NIBAN1: variants seen among roughly 807,000 people sequenced by gnomAD.
NIBAN1 encodes niban apoptosis regulator 1.
In NIBAN1, 81 loss-of-function variants were observed where a neutral mutation model predicts 75.1. The observed-to-expected ratio is 1.08, with a 90% CI of 0.90 to 1.30. The LOEUF (loss-of-function observed/expected upper bound fraction) is 1.30. NIBAN1 is among the 50% of genes most tolerant of loss of function. NIBAN1 has a pLI of 0.00. For missense variants in NIBAN1, 1,133 were observed against 1,128.1 expected, an observed-to-expected ratio of 1.00 and a Z score of -0.06; for synonymous variants, 436 against 424.8, an observed-to-expected ratio of 1.03 and a Z score of -0.32.
intron 2 of NIBAN1, 93 bp from the exon 3 acceptor site, chr1:184,894,299 G>C: frequency 3.8e-6 from 5 of 1,323,588 alleles, no homozygotes; most frequent in Non-Finnish European, 5.0e-6. Flanking sequence ...GAATAGTTTA[G>C]GAAACTATCT....
At chr1:184,833,131 A>G (rs1655044379) in intron 5 of NIBAN1, among the ~76,000 whole-genome samples, 1 of 151,868 alleles carries the variant, frequency 6.6e-6, no homozygotes, top group Non-Finnish European at 1.5e-5. Context: ...TTGGGGGGTG[A>G]GGAGGAACCA....
In NIBAN1 at chr1:184,795,279, C is replaced by A. The variant is rs753355119; in HGVS notation, c.2485G>T (p.Gly829Trp). 4.3e-6 allele frequency: 7 copies of A among 1,612,734 alleles called. No homozygotes were observed. Among genetic ancestry groups the A allele is most frequent in the Non-Finnish European group, 5.1e-6 (6 of 1,180,042 alleles). Residue 829 changes from glycine to tryptophan, a missense_variant, in exon 14 of 14, where the codon GGG becomes TGG. Gly to Trp is a radical substitution (Grantham distance 184, BLOSUM62 -2). Coordinates refer to ENST00000367511, the MANE Select transcript of NIBAN1 (RefSeq NM_052966.4). ...ACTLTAHEGRGGKCTEEGDAS... is the reference protein window; with the variant it reads ...ACTLTAHEGRWGKCTEEGDAS... ...TCCCCTTCCTCGGTACACTTGCCCC[C>A]TCTTCCTTCATGGGCAGTGAGTGTG...
chr1:184,870,782 A>G (rs1165562293), intron 5 of NIBAN1, among the ~76,000 whole-genome samples: 1 of 152,214 alleles, frequency 6.6e-6, no homozygotes, highest in Non-Finnish European at 1.5e-5. Context: ...CTATACCGTA[A>G]CCAACCCTCT....
At chr1:184,806,376 A>G (rs1654198999) in intron 10 of NIBAN1, among the ~76,000 whole-genome samples, 1 of 152,168 alleles carries the variant, frequency 6.6e-6, no homozygotes, top group Non-Finnish European at 1.5e-5. Flanking sequence ...AGCCTTCTTC[A>G]ACTAGTTTTT....
At chr1:184,956,248 A>G (rs1658488996) in intron 1 of NIBAN1, among the ~76,000 whole-genome samples, 2 of 151,994 alleles carry the variant, frequency 1.3e-5, no homozygotes, top group Non-Finnish European at 2.9e-5. Context: ...GCTGGCCTCA[A>G]ACTCCTGGTC....
intron 2 of NIBAN1, among the ~76,000 whole-genome samples, chr1:184,896,324 T>C (rs189097639): frequency 1.3e-5 from 2 of 152,316 alleles, no homozygotes. Context: ...TTGAGCATAT[T>C]TTCATGTGTT....
At chr1:184,813,122 C>A (rs924403143) in intron 9 of NIBAN1, among the ~76,000 whole-genome samples, 1 of 152,278 alleles carries the variant, frequency 6.6e-6, no homozygotes, top group East Asian at 1.9e-4. Flanking sequence ...TCCAAGGACT[C>A]CACCATAAAG....
At chr1:184,832,889 C>T (rs759829012) in intron 5 of NIBAN1, among the ~76,000 whole-genome samples, 1 of 152,088 alleles carries the variant, frequency 6.6e-6, no homozygotes, top group South Asian at 2.1e-4. Flanking sequence ...AAAATTGGCT[C>T]TTGGGGGACA....
chr1:184,924,255 G>A (rs183908101), intron 1 of NIBAN1, among the ~76,000 whole-genome samples: 61 of 152,236 alleles, frequency 4.0e-4, no homozygotes, highest in Admixed American at 7.8e-4. Context: ...TTGTCACAAA[G>A]GGATGTCGAA....
chr1:184,915,180 C>T (rs79432097), intron 1 of NIBAN1, among the ~76,000 whole-genome samples: 1 of 152,218 alleles, frequency 6.6e-6, no homozygotes, highest in Admixed American at 6.5e-5. Flanking sequence ...TCCTGAGTTG[C>T]CTGATAAAAA....
intron 10 of NIBAN1, among the ~76,000 whole-genome samples, chr1:184,807,291 T>C: frequency 6.7e-6 from 1 of 149,504 alleles, no homozygotes; most frequent in East Asian, 2.0e-4. Flanking sequence ...GTGCTATTCA[T>C]TCCTGTTACT....
chr1:184,869,322 A>C (rs1656037861), intron 5 of NIBAN1, among the ~76,000 whole-genome samples: 1 of 152,182 alleles, frequency 6.6e-6, no homozygotes, highest in Non-Finnish European at 1.5e-5. Flanking sequence ...GTAAAATTAG[A>C]TCGTCCAGTA....
intron 2 of NIBAN1, among the ~76,000 whole-genome samples, chr1:184,895,272 T>C (rs900548558): frequency 6.6e-6 from 1 of 152,192 alleles, no homozygotes; most frequent in African/African-American, 2.4e-5. Flanking sequence ...TGGCATAAGC[T>C]GAACTTCATA....
chr1:184,941,913 G>C (rs186813947), intron 1 of NIBAN1, among the ~76,000 whole-genome samples: 134 of 152,220 alleles, frequency 8.8e-4, no homozygotes, highest in African/African-American at 3.1e-3. Flanking sequence ...TCAGACAGAG[G>C]AGACCATATT....
intron 3 of NIBAN1, among the ~76,000 whole-genome samples, 199 bp from the exon 4 acceptor site, chr1:184,890,421 G>A (rs1404894616): frequency 1.3e-5 from 2 of 152,214 alleles, no homozygotes; most frequent in South Asian, 4.1e-4. Context: ...ATACTTTCAT[G>A]TGACAGTCAC....
chr1:184,971,177 G>C (rs2102096184), intron 1 of NIBAN1, among the ~76,000 whole-genome samples: 1 of 152,188 alleles, frequency 6.6e-6, no homozygotes, highest in South Asian at 2.1e-4. Context: ...CAGCTACTCA[G>C]GAGGCTGAGG....
intron 1 of NIBAN1, among the ~76,000 whole-genome samples, chr1:184,952,019 C>G (rs531773645): frequency 6.6e-6 from 1 of 152,226 alleles, no homozygotes; most frequent in Non-Finnish European, 1.5e-5. Flanking sequence ...GGGATTTAGT[C>G]TGCTTTGTTC....
rs143843855 is a variant in NIBAN1, at chr1:184,856,681, T to A, written c.602-24719A>T. Among the ~76,000 whole-genome samples, 795 of 152,316 alleles carry A rather than the reference T, an allele frequency of 5.2e-3. 7 individuals are homozygous for A. Among genetic ancestry groups the A allele is most frequent in the African/African-American group, 0.018 (768 of 41,574 alleles). Reference sequence around the variant, plus strand: ...GAGTCACTGTGAGGGATTCTCTGAATATAAGGGAACAAGATTTGGTTCATG... The same window carrying A: ...GAGTCACTGTGAGGGATTCTCTGAAAATAAGGGAACAAGATTTGGTTCATG... On this transcript the variant is annotated intron_variant, in intron 5 of 13. Coordinates refer to ENST00000367511, the MANE Select transcript of NIBAN1 (RefSeq NM_052966.4).
intron 9 of NIBAN1, among the ~76,000 whole-genome samples, chr1:184,817,434 T>C (rs975604624): frequency 1.3e-5 from 2 of 152,246 alleles, no homozygotes; most frequent in Non-Finnish European, 2.9e-5. Flanking sequence ...TCTAGATCCC[T>C]GAGGAATCGC....
Sources: gnomAD v4.1 joint callset for allele counts (sites outside exome capture counted in the v4.1 genomes callset) on GRCh38, gnomAD v4.1.1 for gene constraint, MANE v1.5 for transcripts, NCBI Gene and HGNC (gene_info 2026-07-23, HGNC 2026-07-21) for gene names.